Variants in PKHD1L1 observed in about 807,000 individuals in gnomAD.
PKHD1L1 encodes the protein fibrocystin-L.
PKHD1L1 carries 434 observed loss-of-function variants against 462.9 expected under a neutral mutation model. The observed-to-expected ratio is 0.94, with a 90% CI of 0.87 to 1.02. The LOEUF (loss-of-function observed/expected upper bound fraction) is 1.02. PKHD1L1 is among the 50% of genes least tolerant of loss of function. The pLI is 0.00. For missense variants in PKHD1L1, 5,202 were observed against 5,096.1 expected (o/e 1.02, Z -0.63); for synonymous variants, 1,781 against 1,750.0 (o/e 1.02, Z -0.44).
Position 109,483,013 on chromosome 8 carries a change from G to A in PKHD1L1, c.9484G>A (p.Gly3162Arg), listed in dbSNP as rs1169057572. The A allele has an allele frequency of 1.8e-5, 29 of 1,594,066 alleles. No individual in the cohort carries two copies. Among genetic ancestry groups the A allele is most frequent in the Non-Finnish European group, 2.5e-5 (29 of 1,170,466 alleles). The change falls in exon 57 of 78, where the codon GGA becomes AGA. Residue 3162 changes from glycine (G) to arginine (R), a missense_variant. Coordinates refer to ENST00000378402, the MANE Select transcript of PKHD1L1 (RefSeq NM_177531.6). ...LGVFGELDLH[G>R]IPHSIYKTKL... ...GGTGTTTGGTGAGCTGGATCTTCAT[G>A]GAATTCCACATTCAATATATAAAAC...
intron 46 of PKHD1L1, among the ~76,000 whole-genome samples, chr8:109,456,798 C>T: frequency 6.6e-6 from 1 of 152,086 alleles, no homozygotes; most frequent in East Asian, 1.9e-4. Flanking sequence ...TTGGAGGTCA[C>T]CAAAGAACAT....
At chr8:109,496,035 A>G (rs1176257369) in intron 63 of PKHD1L1, among the ~76,000 whole-genome samples, 1 of 152,222 alleles carries the variant, frequency 6.6e-6, no homozygotes, top group Non-Finnish European at 1.5e-5. Context: ...TGAATTAATC[A>G]TTAAAACTTT....
Position 109,523,317 on chromosome 8 carries a change from A to G in PKHD1L1, c.12415A>G (p.Ser4139Gly), listed in dbSNP as rs1221252294. 1 of 1,612,704 alleles carries G rather than the reference A, an allele frequency of 6.2e-7. No homozygotes were observed. The highest frequency in any genetic ancestry group is 1.3e-5 in the African/African-American group (1 of 74,898). ...DSNNNQVNGL[S>G]GNTTIPFSSC... ...CAATAATAACCAAGTCAATGGCCTT[A>G]GTGGAAATACAACAATTCCGTTTAG... Residue 4139 changes from serine to glycine, a missense_variant, in exon 76 of 78, where the codon AGT becomes GGT. This residue lies in a region of PKHD1L1 where 698 missense variants were observed against 736.3 expected (regional missense o/e 0.95). Transcript: ENST00000378402.
chr8:109,490,560 G>T (rs185189881), intron 60 of PKHD1L1, among the ~76,000 whole-genome samples: 1 of 151,608 alleles, frequency 6.6e-6, no homozygotes, highest in Admixed American at 6.6e-5. Flanking sequence ...TCACTGAATG[G>T]TTCTTAGAGA....
intron 25 of PKHD1L1, among the ~76,000 whole-genome samples, chr8:109,429,043 T>C (rs1814932899): frequency 6.6e-6 from 1 of 152,162 alleles, no homozygotes; most frequent in African/African-American, 2.4e-5. Context: ...GTTTAGTAGA[T>C]TCATTTTTAG....
At position 109,531,893 on chromosome 8, in the gene PKHD1L1, T is replaced by G. The variant is rs1462289452; in HGVS notation, c.*1803T>G. ...GGAAAGAGACCCAACATGGGCCATTTCACGCTGAGACTTAAAAATCAGTCT... is the reference window on the plus strand; with the variant it reads ...GGAAAGAGACCCAACATGGGCCATTGCACGCTGAGACTTAAAAATCAGTCT... On this transcript the variant is annotated 3_prime_UTR_variant, in exon 78 of 78. Transcript: ENST00000378402. 1.3e-5 allele frequency among the ~76,000 whole-genome samples: 2 copies of G among 152,196 alleles called. No individual in the cohort carries two copies. The highest frequency in any genetic ancestry group is 4.8e-5 in the African/African-American group (2 of 41,452).
chr8:109,456,416 A>T, intron 46 of PKHD1L1, 25 bp downstream of exon 46: 1 of 1,567,616 alleles, frequency 6.4e-7, no homozygotes, highest in South Asian at 1.2e-5. Flanking sequence ...GGGCTTAATG[A>T]TGTGTATTTA....
At position 109,530,094 on chromosome 8, in the gene PKHD1L1, G is replaced by T. The variant is rs1196366041; in HGVS notation, c.*4G>T. The T allele has an allele frequency of 3.7e-6, 5 of 1,363,570 alleles. No homozygotes were observed. The highest frequency in any genetic ancestry group is 4.8e-6 in the Non-Finnish European group (5 of 1,039,714). The allele number at this position is 1,363,570 out of a possible 1,614,324, so 84.5% of individuals were successfully genotyped here. A position where few individuals can be genotyped will look rare whatever the true frequency, so the allele number is the denominator to read the frequency against. Reference sequence around the variant, plus strand: ...CCATTTTTCAGGAAGCTACTAAAGTGCTGTTCCGAAGAATAGGCTGAAACA... The same window carrying T: ...CCATTTTTCAGGAAGCTACTAAAGTTCTGTTCCGAAGAATAGGCTGAAACA... On this transcript the variant is annotated 3_prime_UTR_variant, in exon 78 of 78. Transcript: ENST00000378402.
intron 13 of PKHD1L1, among the ~76,000 whole-genome samples, chr8:109,400,749 G>A (rs1457287): frequency 0.6 from 91,100 of 151,780 alleles, 28,041 homozygotes; most frequent in African/African-American, 0.73. Context: ...ACCAAGCTTA[G>A]ATAACCATCT....
intron 21 of PKHD1L1, among the ~76,000 whole-genome samples, chr8:109,414,961 CATTATTATTATT>C (rs3058250): frequency 0.11 from 14,761 of 140,506 alleles, 1,291 homozygotes; most frequent in African/African-American, 0.22. Flanking sequence ...ATCATCCCAA[CATTATTATTATT>C]ATTATTATTA....
intron 50 of PKHD1L1, among the ~76,000 whole-genome samples, chr8:109,472,715 GA>G (rs11321135): frequency 0.55 from 83,219 of 149,978 alleles, 23,033 homozygotes; most frequent in South Asian, 0.69. Context: ...TTCTGTGTGT[GA>G]AAAAAAAAAA....
chr8:109,369,288 T>G lies in PKHD1L1; in HGVS notation c.163+4652T>G, dbSNP rs188018311. On this transcript the variant is annotated intron_variant, in intron 2 of 77. Coordinates refer to ENST00000378402, the MANE Select transcript of PKHD1L1 (RefSeq NM_177531.6). ...CACCGCACCTGGCCTAGAATTATAC[T>G]TTTAAGTTAAAATTTTTAAAAAGAA... Among the ~76,000 whole-genome samples, 6 of 152,340 alleles carry G rather than the reference T, an allele frequency of 3.9e-5. No homozygotes were observed. The East Asian group carries it at 1.2e-3, about 29-fold the overall frequency.
chr8:109,392,325 G>A (rs948383658), intron 9 of PKHD1L1, among the ~76,000 whole-genome samples: 1 of 152,088 alleles, frequency 6.6e-6, no homozygotes, highest in Admixed American at 6.6e-5. Flanking sequence ...AAAAATAGAA[G>A]GTTTGAGTGA....
chr8:109,464,266 G>C lies in PKHD1L1; in HGVS notation c.7434G>C (p.Trp2478Cys). The C allele has an allele frequency of 1.2e-6, 2 of 1,611,980 alleles. No homozygotes were observed. Among genetic ancestry groups the C allele is most frequent in the Non-Finnish European group, 1.7e-6 (2 of 1,178,598 alleles). ...AFRLGRYPIHWHLLGDLQFKS... is the reference protein window; with the variant it reads ...AFRLGRYPIHCHLLGDLQFKS... Reference sequence around the variant, plus strand: ...GGTTGGGGCGATATCCAATACATTGGCACCTGCTTGGAGACTTACAGTTTA... The same window carrying C: ...GGTTGGGGCGATATCCAATACATTGCCACCTGCTTGGAGACTTACAGTTTA... The change falls in exon 49 of 78, where the codon TGG becomes TGC. Residue 2478 changes from tryptophan (W) to cysteine (C), a missense_variant. By Grantham distance (215) the Trp-to-Cys change is radical. Transcript: ENST00000378402.
rs1821113462 is a variant in PKHD1L1, at chr8:109,534,818, T to C, written c.*4728T>C. ...AAGTCCTAATACAGTACTGTAGTTA[T>C]TATAATTCCATCATTCTGAAATTAG... On this transcript the variant is annotated 3_prime_UTR_variant, in exon 78 of 78. Coordinates refer to ENST00000378402, the MANE Select transcript of PKHD1L1 (RefSeq NM_177531.6). Among the ~76,000 whole-genome samples the C allele has an allele frequency of 6.6e-6, 1 of 152,194 alleles. No homozygotes were observed. Among genetic ancestry groups the C allele is most frequent in the Non-Finnish European group, 1.5e-5 (1 of 68,028 alleles).
At chr8:109,497,102 C>A in intron 64 of PKHD1L1, 35 bp downstream of exon 64, 4 of 1,612,570 alleles carry the variant, frequency 2.5e-6, no homozygotes, top group Non-Finnish European at 3.4e-6. Context: ...TGTTTATTTT[C>A]TTTTATGATT....
At chr8:109,439,813 A>G (rs925684065) in intron 32 of PKHD1L1, among the ~76,000 whole-genome samples, 1 of 152,168 alleles carries the variant, frequency 6.6e-6, no homozygotes, top group African/African-American at 2.4e-5. Flanking sequence ...TTATGGATGC[A>G]AAAAGGCCAA....
At chr8:109,475,437 C>CA (rs1197504229) in intron 51 of PKHD1L1, among the ~76,000 whole-genome samples, 168 bp downstream of exon 51, 2 of 151,834 alleles carry the variant, frequency 1.3e-5, no homozygotes, top group Non-Finnish European at 2.9e-5. Flanking sequence ...AGAAGTAAGC[C>CA]AAAAAAATCT....
intron 13 of PKHD1L1, among the ~76,000 whole-genome samples, 168 bp from the exon 14 acceptor site, chr8:109,401,329 T>G (rs111864045): frequency 6.6e-6 from 1 of 151,982 alleles, no homozygotes; most frequent in Non-Finnish European, 1.5e-5. Flanking sequence ...TTAAAAAAAA[T>G]TTATAGCATA....
Sources: allele counts gnomAD v4.1 joint callset (sites outside exome capture counted in the v4.1 genomes callset), GRCh38; gene constraint gnomAD v4.1.1; regional missense constraint gnomAD v4.1.1; transcripts MANE v1.5; gene names NCBI Gene and HGNC (gene_info 2026-07-23, HGNC 2026-07-21).